The following RNF216 variants were observed in gnomAD, a reference collection of about 807,000 sequenced individuals.
RNF216 encodes ring finger protein 216.
Under a neutral mutation model 110.8 loss-of-function variants are expected in RNF216, and 72 were observed. That is an observed-to-expected ratio of 0.65 (90% CI 0.54 to 0.79). The LOEUF (loss-of-function observed/expected upper bound fraction) is 0.79. RNF216 is among the 30% of genes least tolerant of loss of function. RNF216 has a pLI of 0.00. For synonymous variants in RNF216, 495 were observed against 407.5 expected (o/e 1.21, Z -2.59); for missense variants, 1,342 against 1,141.2 (o/e 1.18, Z -2.54).
At chr7:5,761,876 G>T (rs1402639494) in intron 1 of RNF216, among the ~76,000 whole-genome samples, 1 of 152,144 alleles carries the variant, frequency 6.6e-6, no homozygotes, top group African/African-American at 2.4e-5. Flanking sequence ...ATACATTGCT[G>T]GTTTGAAGAG....
At chr7:5,645,735 C>G (rs12669801) in intron 14 of RNF216, among the ~76,000 whole-genome samples, 3 of 152,088 alleles carry the variant, frequency 2.0e-5, no homozygotes, top group African/African-American at 7.2e-5. Flanking sequence ...GGACTACAGG[C>G]GCCCGCCACC....
chr7:5,713,309 T>C, intron 11 of RNF216: 1 of 154,788 alleles, frequency 6.5e-6, no homozygotes, highest in Admixed American at 6.4e-5. Flanking sequence ...TCCTACCCGC[T>C]TCAGAAGGAA....
intron 15 of RNF216, among the ~76,000 whole-genome samples, chr7:5,634,273 G>C (rs1001705674): frequency 3.4e-5 from 5 of 148,378 alleles, no homozygotes; most frequent in Non-Finnish European, 6.0e-5. Flanking sequence ...ACTGGGAATT[G>C]CAAGTCGACT....
intron 15 of RNF216, among the ~76,000 whole-genome samples, chr7:5,626,839 T>G (rs1428669526): frequency 6.6e-6 from 1 of 152,158 alleles, no homozygotes; most frequent in African/African-American, 2.4e-5. Flanking sequence ...AGCTCAAGTA[T>G]GTAAAGGATG....
chr7:5,760,779 A>G (rs1343612288), intron 2 of RNF216, among the ~76,000 whole-genome samples: 5 of 152,226 alleles, frequency 3.3e-5, no homozygotes, highest in South Asian at 2.1e-4. Flanking sequence ...TCTTGCCAGC[A>G]AATTAATAGC....
intron 13 of RNF216, among the ~76,000 whole-genome samples, chr7:5,683,113 A>G (rs1025192525): frequency 5.3e-5 from 8 of 152,164 alleles, no homozygotes; most frequent in African/African-American, 1.9e-4. Flanking sequence ...TGCAATGATT[A>G]TAATTATATG....
At chr7:5,663,102 C>T (rs1789256729) in intron 13 of RNF216, among the ~76,000 whole-genome samples, 1 of 152,202 alleles carries the variant, frequency 6.6e-6, no homozygotes, top group South Asian at 2.1e-4. Context: ...GAAGAGCTGG[C>T]ACTTGCTCAC....
At position 5,727,122 on chromosome 7, in the gene RNF216, C is replaced by T. The variant is rs559352348; in HGVS notation, c.1390-1684G>A. 2.0e-5 allele frequency among the ~76,000 whole-genome samples: 3 copies of T among 152,230 alleles called. No individual in the cohort carries two copies. The South Asian group carries it at 6.2e-4, about 32-fold the overall frequency. ...TCCCAGTCTGGGCAGCAATGAGAAG[C>T]GGGGTGGCTATGATGCAGTGTTTGC... is the stretch of plus-strand genomic sequence containing the variant. On this transcript the variant is annotated intron_variant, in intron 7 of 16. Coordinates refer to ENST00000389902, the MANE Select transcript of RNF216 (RefSeq NM_207111.4).
chr7:5,639,177 G>C (rs571627957), intron 15 of RNF216, among the ~76,000 whole-genome samples: 1 of 152,248 alleles, frequency 6.6e-6, no homozygotes, highest in East Asian at 1.9e-4. Context: ...TTCCTTAAGA[G>C]ATAGGGAAGC....
At position 5,741,699 on chromosome 7, in the gene RNF216, A is replaced by C. The variant is rs770024795; in HGVS notation, c.318T>G (p.Asp106Glu). The part of the protein sequence containing the change: ...PKKSRAAFES[D>E]KSSYFSVCNN... ...TACACACTGAAAAATAGCTGCTCTT[A>C]TCTGATTCAAATGCTGCTCTAGACT... is the stretch of plus-strand genomic sequence containing the variant. The change falls in exon 4 of 17, where the codon GAT (aspartate) becomes GAG (glutamate). Residue 106 changes from aspartate to glutamate, a missense_variant. By Grantham distance (45) the Asp-to-Glu change is conservative. Transcript: ENST00000389902. 1 of 1,614,194 alleles carries C rather than the reference A, an allele frequency of 6.2e-7. No individual in the cohort carries two copies. The highest frequency in any genetic ancestry group is 8.5e-7 in the Non-Finnish European group (1 of 1,180,044).
At chr7:5,750,270 G>A (rs1350760299) in intron 3 of RNF216, among the ~76,000 whole-genome samples, 1 of 152,150 alleles carries the variant, frequency 6.6e-6, no homozygotes, top group African/African-American at 2.4e-5. Context: ...TCCAGATGCT[G>A]GATACAGCAC....
chr7:5,647,499 A>G (rs956751008), intron 14 of RNF216, among the ~76,000 whole-genome samples: 1 of 151,520 alleles, frequency 6.6e-6, no homozygotes, highest in Non-Finnish European at 1.5e-5. Context: ...ATGCCTGGCT[A>G]ATTTTTAGAT....
rs1425668150 is a variant in RNF216 at position 5,622,215 on chromosome 7, G to C, written c.*645C>G. On this transcript the variant is annotated 3_prime_UTR_variant, in exon 17 of 17. Transcript: ENST00000389902. ...GCCTGACTTTCCAGAGACCGAGGAT[G>C]AGAAAGTTAGGCGGCAACAGAACAA... 6.6e-6 allele frequency: 1 copy of C among 152,416 alleles called. No individual in the cohort carries two copies. The highest frequency in any genetic ancestry group is 1.5e-5 in the Non-Finnish European group (1 of 68,188). The allele number at this position is 152,416 out of a possible 1,614,324, so 9.4% of individuals were successfully genotyped here.
At chr7:5,679,641 T>C (rs1407129384) in intron 13 of RNF216, among the ~76,000 whole-genome samples, 3 of 152,052 alleles carry the variant, frequency 2.0e-5, no homozygotes, top group African/African-American at 7.2e-5. Flanking sequence ...AGACACAAAA[T>C]CAAAACCACT....
At chr7:5,781,256 C>T (rs987377139) in intron 1 of RNF216, among the ~76,000 whole-genome samples, 1 of 152,218 alleles carries the variant, frequency 6.6e-6, no homozygotes. Flanking sequence ...GCAGCAGACC[C>T]GAGGGGCCGG....
At chr7:5,647,464 G>C (rs1788124797) in intron 14 of RNF216, among the ~76,000 whole-genome samples, 1 of 151,164 alleles carries the variant, frequency 6.6e-6, no homozygotes, top group African/African-American at 2.4e-5. Context: ...CTCCCAAGTA[G>C]CTGGGACTAC....
chr7:5,670,487 T>C (rs972489160), intron 13 of RNF216, among the ~76,000 whole-genome samples: 61 of 152,338 alleles, frequency 4.0e-4, no homozygotes, highest in African/African-American at 1.5e-3. Flanking sequence ...TGCTTATTCT[T>C]GGATTTAAAT....
In RNF216 at chr7:5,624,836, C is replaced by A. The variant is rs558070664; in HGVS notation, c.2383-711G>T. Reference sequence around the variant, plus strand: ...TGTGCTGGGAAACTCAGGGGCCACACTGGGCAAGCCCCAGAGGTTGGGTTT... The same window carrying A: ...TGTGCTGGGAAACTCAGGGGCCACAATGGGCAAGCCCCAGAGGTTGGGTTT... On this transcript the variant is annotated intron_variant, in intron 15 of 16. Transcript: ENST00000389902. This position sits in a 1 kb window ranked among gnomAD's most constrained non-coding sequence, Gnocchi z 4.4. Among the ~76,000 whole-genome samples, 2 of 152,264 alleles carry A rather than the reference C, an allele frequency of 1.3e-5. No homozygotes were observed. The highest frequency in any genetic ancestry group is 2.1e-4 in the South Asian group (1 of 4,838).
intron 14 of RNF216, among the ~76,000 whole-genome samples, chr7:5,642,053 AAAAAG>A: frequency 6.6e-6 from 1 of 151,252 alleles, no homozygotes; most frequent in African/African-American, 2.4e-5. Flanking sequence ...AAAGAAAAAA[AAAAAG>A]AAAGAAAGAA....
Sources: allele counts gnomAD v4.1 joint callset (sites outside exome capture counted in the v4.1 genomes callset), GRCh38; gene constraint gnomAD v4.1.1; non-coding constraint Gnocchi (gnomAD v3.1); transcripts MANE v1.5; gene names NCBI Gene and HGNC (gene_info 2026-07-23, HGNC 2026-07-21).